EIF2AK2: variants seen among roughly 807,000 people sequenced by gnomAD.
EIF2AK2 encodes eukaryotic translation initiation factor 2 alpha kinase 2.
A neutral mutation model predicts 70.5 loss-of-function variants in EIF2AK2; 40 were observed. The ratio of observed to expected loss-of-function variants is 0.57; its 90% CI spans 0.44 to 0.74. The LOEUF is 0.74. Ranked by LOEUF, EIF2AK2 falls within the 30% of genes least tolerant of loss-of-function variation. The pLI, the probability that EIF2AK2 is intolerant of heterozygous loss-of-function variation, is 0.00. For synonymous variants in EIF2AK2, 198 were observed against 220.9 expected (o/e 0.90, Z 0.92); for missense variants, 555 against 644.3 (o/e 0.86, Z 1.50).
chr2:37,149,421 G>A (rs1002640695), intron 1 of EIF2AK2: 1 of 469,914 alleles, frequency 2.1e-6, no homozygotes. Flanking sequence ...ACCTCAATGT[G>A]CACGAATTTT....
chr2:37,149,041 A>G lies in EIF2AK2; in HGVS notation c.-183-18T>C. On this transcript the variant is annotated intron_variant, in intron 1 of 16. Transcript: ENST00000233057. The stretch of plus-strand genomic sequence containing the variant: ...TCCAGAAACTGGTAAAAGAGAAAAA[A>G]GAAGGCTTAAAAAAATGCAACCGCT... 3 of 985,946 alleles carry G rather than the reference A, an allele frequency of 3.0e-6. No homozygotes were observed. The East Asian group carries it at 7.1e-5, about 23-fold the overall frequency. 61.1% of individuals were successfully genotyped at this position (985,946 alleles called of 1,614,324 possible). A position where few individuals can be genotyped will look rare whatever the true frequency, so the allele number is the denominator to read the frequency against.
intron 12 of EIF2AK2, among the ~76,000 whole-genome samples, chr2:37,120,422 G>A (rs1231393049): frequency 1.4e-5 from 2 of 143,308 alleles, no homozygotes; most frequent in East Asian, 4.3e-4. Flanking sequence ...CAAGAGAATG[G>A]CGTGAACCCG....
chr2:37,121,539 A>G (rs977127607), intron 12 of EIF2AK2, among the ~76,000 whole-genome samples: 7 of 152,078 alleles, frequency 4.6e-5, no homozygotes, highest in African/African-American at 1.7e-4. Flanking sequence ...AGTAAAGGGA[A>G]AGCAAACCTA....
chr2:37,138,159 G>T, intron 8 of EIF2AK2, 111 bp downstream of exon 8: 3 of 765,774 alleles, frequency 3.9e-6, no homozygotes, highest in Non-Finnish European at 6.2e-6. Context: ...TAGTAAGAGT[G>T]CATAAGATAA....
chr2:37,113,498 C>CAAAAAAAAA (rs61174879), intron 14 of EIF2AK2, among the ~76,000 whole-genome samples: 3 of 33,032 alleles, frequency 9.1e-5, no homozygotes, highest in Admixed American at 3.6e-4. Context: ...AACTCCATCT[C>CAAAAAAAAA]AAAAAAAAAA....
chr2:37,150,411 C>T (rs187260505), intron 1 of EIF2AK2, among the ~76,000 whole-genome samples: 5 of 151,834 alleles, frequency 3.3e-5, no homozygotes, highest in African/African-American at 1.2e-4. Flanking sequence ...TTACAGTGTA[C>T]TAAATATTTT....
intron 15 of EIF2AK2, 28 bp downstream of exon 15, chr2:37,109,166 T>A (rs1034235001): frequency 6.8e-6 from 11 of 1,609,192 alleles, no homozygotes; most frequent in Non-Finnish European, 9.4e-6. Flanking sequence ...ATTTTTCTTG[T>A]TTAATTCTTT....
At chr2:37,151,783 C>CTACAACATG (rs1281289709) in intron 1 of EIF2AK2, among the ~76,000 whole-genome samples, 4 of 152,226 alleles carry the variant, frequency 2.6e-5, no homozygotes, top group African/African-American at 7.2e-5. Context: ...CTGATACATG[C>CTACAACATG]TACAACATGG....
chr2:37,143,061 T>C (rs532686113), intron 4 of EIF2AK2, among the ~76,000 whole-genome samples: 1 of 152,112 alleles, frequency 6.6e-6, no homozygotes, highest in Non-Finnish European at 1.5e-5. Flanking sequence ...ACCCTGTCTC[T>C]ACTAAAAATA....
chr2:37,144,749 G>A (rs1047247096), intron 4 of EIF2AK2, among the ~76,000 whole-genome samples: 1 of 151,816 alleles, frequency 6.6e-6, no homozygotes, highest in Non-Finnish European at 1.5e-5. Flanking sequence ...CCCGGCTAAT[G>A]TTTTGTGTTT....
At chr2:37,118,370 A>C (rs1674419879) in intron 13 of EIF2AK2, among the ~76,000 whole-genome samples, 1 of 152,166 alleles carries the variant, frequency 6.6e-6, no homozygotes, top group Non-Finnish European at 1.5e-5. Flanking sequence ...CCCTTGAGCA[A>C]CTGCAGCCAG....
chr2:37,153,533 T>C (rs979293152), intron 1 of EIF2AK2, among the ~76,000 whole-genome samples: 3 of 151,968 alleles, frequency 2.0e-5, no homozygotes, highest in Non-Finnish European at 4.4e-5. Context: ...CTCTTCTGTC[T>C]CTGTAAATTT....
intron 10 of EIF2AK2, among the ~76,000 whole-genome samples, chr2:37,128,280 G>A (rs544446424): frequency 1.2e-4 from 18 of 152,216 alleles, no homozygotes; most frequent in African/African-American, 3.9e-4. Context: ...CAAACATATT[G>A]TCTACAGCAG....
At chr2:37,137,190 T>G (rs1055036890) in intron 8 of EIF2AK2, among the ~76,000 whole-genome samples, 173 bp from the exon 9 acceptor site, 2 of 152,210 alleles carry the variant, frequency 1.3e-5, no homozygotes, top group Admixed American at 1.3e-4. Flanking sequence ...GACTTAACTT[T>G]TTGCCAATCT....
intron 8 of EIF2AK2, among the ~76,000 whole-genome samples, chr2:37,137,758 G>T (rs923638605): frequency 6.6e-6 from 1 of 152,178 alleles, no homozygotes; most frequent in Non-Finnish European, 1.5e-5. Context: ...AAGGATGAGT[G>T]AGGAAAGACA....
chr2:37,135,105 A>C (rs909909206), intron 10 of EIF2AK2, among the ~76,000 whole-genome samples: 1 of 152,212 alleles, frequency 6.6e-6, no homozygotes, highest in African/African-American at 2.4e-5. Context: ...TAGTCCTCCA[A>C]AACAGATGGG....
rs1438047216 is a variant in EIF2AK2 at position 37,103,354 on chromosome 2, C to G, written c.*3919G>C. 6.6e-6 allele frequency: 1 copy of G among 152,128 alleles called. No homozygotes were observed. The highest frequency in any genetic ancestry group is 1.5e-5 in the Non-Finnish European group (1 of 68,114). The allele number at this position is 152,128 out of a possible 1,614,324, so 9.4% of individuals were successfully genotyped here. On this transcript the variant is annotated 3_prime_UTR_variant, in exon 17 of 17. Coordinates refer to ENST00000233057, the MANE Select transcript of EIF2AK2 (RefSeq NM_001135651.3). ...GGGATTACAGGCGCCTACCACCACA[C>G]CCAGCTAATTTTTGTATTTTTAGTA...
chr2:37,144,982 C>T (rs1045534571), intron 4 of EIF2AK2, among the ~76,000 whole-genome samples: 4 of 151,388 alleles, frequency 2.6e-5, no homozygotes, highest in Non-Finnish European at 2.9e-5. Flanking sequence ...AGGCATGAAC[C>T]GCTATGCCCA....
chr2:37,110,404 G>C (rs971537886), intron 14 of EIF2AK2, among the ~76,000 whole-genome samples: 1 of 151,564 alleles, frequency 6.6e-6, no homozygotes, highest in Admixed American at 6.6e-5. Context: ...CCAACAAAAG[G>C]TTTTTAAATG....
Sources: allele counts gnomAD v4.1 joint callset (sites outside exome capture counted in the v4.1 genomes callset), GRCh38; gene constraint gnomAD v4.1.1; transcripts MANE v1.5; gene names NCBI Gene and HGNC (gene_info 2026-07-23, HGNC 2026-07-21).